The following PXDNL variants were observed in gnomAD, a reference collection of about 807,000 sequenced individuals.
PXDNL encodes probable oxidoreductase PXDNL.
PXDNL carries 145 observed loss-of-function variants against 150.8 expected under a neutral mutation model. The observed-to-expected ratio is 0.96, with a 90% CI of 0.84 to 1.10. The LOEUF is 1.10. Among genes scored for constraint, PXDNL ranks in the 50% least tolerant of loss-of-function variants. The pLI is 0.00. For synonymous variants in PXDNL, 757 were observed against 725.7 expected (o/e 1.04, Z -0.69); for missense variants, 2,087 against 1,873.9 (o/e 1.11, Z -2.10).
intron 4 of PXDNL, among the ~76,000 whole-genome samples, chr8:51,552,059 A>G (rs1812499956): frequency 6.6e-6 from 1 of 152,270 alleles, no homozygotes; most frequent in Non-Finnish European, 1.5e-5. Flanking sequence ...CAAATGGCCA[A>G]CAAATATATG....
At chr8:51,565,313 A>ATAG (rs1563466554) in intron 3 of PXDNL, among the ~76,000 whole-genome samples, 14 of 123,494 alleles carry the variant, frequency 1.1e-4, no homozygotes, top group African/African-American at 4.8e-4. Context: ...TAAATAAATA[A>ATAG]ATAAATAAAT....
At chr8:51,445,567 C>T (rs184348223) in intron 12 of PXDNL, among the ~76,000 whole-genome samples, 8 of 152,240 alleles carry the variant, frequency 5.3e-5, no homozygotes, top group African/African-American at 1.9e-4. Context: ...CTTAGAGAGT[C>T]GACGAAGCCT....
At chr8:51,614,414 A>G (rs1327136377) in intron 2 of PXDNL, among the ~76,000 whole-genome samples, 3 of 152,196 alleles carry the variant, frequency 2.0e-5, no homozygotes, top group Non-Finnish European at 4.4e-5. Flanking sequence ...AAACAAGGCA[A>G]ACTCCAAGCT....
At chr8:51,671,849 T>C (rs951846042) in intron 1 of PXDNL, among the ~76,000 whole-genome samples, 14 of 152,210 alleles carry the variant, frequency 9.2e-5, no homozygotes, top group African/African-American at 3.1e-4. Context: ...CTCACCAGTA[T>C]ATAGTAGTCA....
intron 1 of PXDNL, among the ~76,000 whole-genome samples, chr8:51,714,004 A>C (rs1264313439): frequency 6.6e-6 from 1 of 152,200 alleles, no homozygotes; most frequent in Non-Finnish European, 1.5e-5. Flanking sequence ...AAATGAAGAA[A>C]ATTTTACAAA....
chr8:51,591,934 A>G (rs1563475799), intron 3 of PXDNL, among the ~76,000 whole-genome samples: 1 of 152,102 alleles, frequency 6.6e-6, no homozygotes, highest in Non-Finnish European at 1.5e-5. Context: ...TTGCCTTAAC[A>G]TTTTTTTAAA....
At chr8:51,544,285 G>A (rs898709991) in intron 4 of PXDNL, among the ~76,000 whole-genome samples, 3 of 152,140 alleles carry the variant, frequency 2.0e-5, no homozygotes, top group African/African-American at 7.2e-5. Flanking sequence ...AGAAGCTCCA[G>A]CAGATGGTGC....
At chr8:51,586,755 A>C (rs1449504273) in intron 3 of PXDNL, among the ~76,000 whole-genome samples, 8 of 152,324 alleles carry the variant, frequency 5.3e-5, no homozygotes, top group Non-Finnish European at 1.0e-4. Flanking sequence ...GCATTCAGCC[A>C]ATAATCTAAG....
intron 17 of PXDNL, among the ~76,000 whole-genome samples, chr8:51,387,819 G>A (rs1259663308): frequency 6.6e-6 from 1 of 151,880 alleles, no homozygotes; most frequent in Non-Finnish European, 1.5e-5. Flanking sequence ...TGACTGAATG[G>A]GTTTTATAAC....
At chr8:51,802,861 G>A (rs1427347760) in intron 1 of PXDNL, among the ~76,000 whole-genome samples, 1 of 152,030 alleles carries the variant, frequency 6.6e-6, no homozygotes, top group South Asian at 2.1e-4. Context: ...AAGTTATAGT[G>A]GTACCTATTT....
chr8:51,527,931 A>G lies in PXDNL; in HGVS notation c.381-28161T>C, dbSNP rs141197413. Among the ~76,000 whole-genome samples, 1,495 of 152,250 alleles carry G rather than the reference A, an allele frequency of 9.8e-3. 9 individuals carry two copies. Among genetic ancestry groups the G allele is most frequent in the Non-Finnish European group, 0.017 (1,125 of 68,002 alleles). ...CTCCTGGGTTCCAGTCCTGGCTCCA[A>G]CACTTACTGGCTGTTTGTGCTTGGC... On this transcript the variant is annotated intron_variant, in intron 4 of 22. Transcript: ENST00000356297.
At chr8:51,512,129 AC>A (rs1179318013) in intron 4 of PXDNL, among the ~76,000 whole-genome samples, 6 of 152,204 alleles carry the variant, frequency 3.9e-5, no homozygotes, top group Non-Finnish European at 7.3e-5. Context: ...CAATTTATAC[AC>A]CTACTGACAT....
chr8:51,339,851 A>C (rs1767323072), intron 20 of PXDNL, 98 bp from the exon 21 acceptor site: 4 of 1,186,362 alleles, frequency 3.4e-6, no homozygotes, highest in Middle Eastern at 4.0e-4. Context: ...GGCATGTACA[A>C]GGCATTGTGA....
intron 15 of PXDNL, among the ~76,000 whole-genome samples, chr8:51,412,247 ATAGTTCAC>A (rs1221783656): frequency 1.6e-4 from 24 of 152,212 alleles, no homozygotes; most frequent in Admixed American, 2.0e-4. Context: ...AATGATGCTA[ATAGTTCAC>A]TTTGGTTAAG....
chr8:51,626,353 TTC>T (rs778599066), intron 2 of PXDNL, among the ~76,000 whole-genome samples: 4 of 152,192 alleles, frequency 2.6e-5, no homozygotes, highest in Non-Finnish European at 4.4e-5. Context: ...AAGAAAACCA[TTC>T]TCTATCTCAA....
intron 19 of PXDNL, among the ~76,000 whole-genome samples, chr8:51,361,647 C>CT (rs1297456815): frequency 6.6e-6 from 1 of 152,100 alleles, no homozygotes; most frequent in African/African-American, 2.4e-5. Flanking sequence ...TAATACCACA[C>CT]TTTAAGCAGT....
At chr8:51,700,390 C>A (rs1816230337) in intron 1 of PXDNL, among the ~76,000 whole-genome samples, 1 of 151,280 alleles carries the variant, frequency 6.6e-6, no homozygotes, top group South Asian at 2.1e-4. Context: ...CACATACACA[C>A]AGAGATATAA....
At chr8:51,644,534 A>T (rs1321253352) in intron 2 of PXDNL, among the ~76,000 whole-genome samples, 1 of 150,612 alleles carries the variant, frequency 6.6e-6, no homozygotes, top group African/African-American at 2.4e-5. Flanking sequence ...ATCTCAGCTC[A>T]TTGCAAGCTC....
intron 2 of PXDNL, among the ~76,000 whole-genome samples, chr8:51,618,368 G>T (rs1295003962): frequency 6.6e-6 from 1 of 152,208 alleles, no homozygotes; most frequent in Non-Finnish European, 1.5e-5. Flanking sequence ...AAACTTGCTG[G>T]ATGGATTGAC....
Sources: allele counts gnomAD v4.1 joint callset (sites outside exome capture counted in the v4.1 genomes callset), GRCh38; gene constraint gnomAD v4.1.1; transcripts MANE v1.5; gene names NCBI Gene and HGNC (gene_info 2026-07-23, HGNC 2026-07-21).